Variants in EXPH5 observed in about 807,000 individuals in gnomAD.
The protein encoded by EXPH5 is exophilin-5.
A neutral mutation model predicts 41.1 loss-of-function variants in EXPH5; 42 were observed. The observed-to-expected ratio is 1.02, with a 90% CI of 0.80 to 1.32. The LOEUF is 1.32. EXPH5 is among the 40% of genes most tolerant of loss of function. The probability of loss-of-function intolerance (pLI) is 0.00; values close to 1 mark genes in which losing one functional copy is unlikely to be tolerated. For synonymous variants in EXPH5, 798 were observed against 833.5 expected, an observed-to-expected ratio of 0.96 and a Z score of 0.73; for missense variants, 2,298 against 2,314.5, an observed-to-expected ratio of 0.99 and a Z score of 0.15.
At position 108,509,372 on chromosome 11, in the gene EXPH5, G is replaced by A. The variant is rs1314384090; in HGVS notation, c.*165C>T. 1 of 498,226 alleles carries A rather than the reference G, an allele frequency of 2.0e-6. No individual in the cohort carries two copies. The allele number at this position is 498,226 out of a possible 1,614,324, so 30.9% of individuals were successfully genotyped here. ...AAGAATTCATTGTTCTAGCATTCAG[G>A]AAGTGTCTATATAGGGTGTGGAGGA... On this transcript the variant is annotated 3_prime_UTR_variant, in exon 6 of 6. Coordinates refer to ENST00000265843, the MANE Select transcript of EXPH5 (RefSeq NM_015065.3).
chr11:108,526,406 C>G (rs180907168), intron 4 of EXPH5, among the ~76,000 whole-genome samples: 307 of 152,344 alleles, frequency 2.0e-3, no homozygotes, highest in African/African-American at 6.9e-3. Flanking sequence ...ATTTTCAAAT[C>G]CCCAAAACTT....
intron 3 of EXPH5, among the ~76,000 whole-genome samples, chr11:108,529,844 C>CA (rs1190347075): frequency 0.05 from 4,715 of 93,640 alleles, 81 homozygotes; most frequent in Middle Eastern, 0.11. Context: ...AACTCTGTCT[C>CA]AAAAAAAAAA....
At chr11:108,528,420 A>G (rs1274236682) in intron 3 of EXPH5, among the ~76,000 whole-genome samples, 2 of 152,252 alleles carry the variant, frequency 1.3e-5, no homozygotes, top group Non-Finnish European at 2.9e-5. Flanking sequence ...AGAAAAAATT[A>G]CATATTAGTG....
rs1389053527 is a variant in EXPH5 at position 108,509,601 on chromosome 11, T to A, written c.5906A>T (p.Asp1969Val). Residue 1969 changes from aspartate (D) to valine (V), a missense_variant, in exon 6 of 6, where the codon GAC (aspartate) becomes GTC (valine). By Grantham distance (152) the Asp-to-Val change is radical. Coordinates refer to ENST00000265843, the MANE Select transcript of EXPH5 (RefSeq NM_015065.3). ...TTCATCATCTGTGGTTGTGTCTGTG[T>A]CACAATCTGAGTCCACTGGGTCATC... ...YEDDPVDSDCDTDTTTDDEYY... is the reference protein window; with the variant it reads ...YEDDPVDSDCVTDTTTDDEYY... The A allele has an allele frequency of 6.2e-7, 1 of 1,605,158 alleles. No homozygotes were observed. The highest frequency in any genetic ancestry group is 8.5e-7 in the Non-Finnish European group (1 of 1,177,012).
intron 3 of EXPH5, among the ~76,000 whole-genome samples, chr11:108,528,847 C>T (rs556834759): frequency 6.6e-6 from 1 of 151,764 alleles, no homozygotes; most frequent in Non-Finnish European, 1.5e-5. Context: ...GGATTACAGG[C>T]GCCTGCCACC....
intron 3 of EXPH5, among the ~76,000 whole-genome samples, chr11:108,536,603 G>C (rs528853982): frequency 6.6e-6 from 1 of 152,108 alleles, no homozygotes; most frequent in African/African-American, 2.4e-5. Context: ...AAGTCTCTGC[G>C]TTCCCATGGC....
intron 1 of EXPH5, among the ~76,000 whole-genome samples, chr11:108,562,026 T>C (rs2256372): frequency 0.66 from 101,093 of 152,056 alleles, 34,767 homozygotes; most frequent in Non-Finnish European, 0.74. Flanking sequence ...CCGTGCAGGG[T>C]TGAGGCCGTT....
At position 108,511,652 on chromosome 11, in the gene EXPH5, C is replaced by G; in HGVS notation, c.3855G>C (p.Glu1285Asp). The G allele has an allele frequency of 1.2e-6, 2 of 1,607,804 alleles. No individual in the cohort carries two copies. The highest frequency in any genetic ancestry group is 1.7e-6 in the Non-Finnish European group (2 of 1,178,246). The change falls in exon 6 of 6, where the codon GAG becomes GAC. Residue 1285 changes from glutamate (E) to aspartate (D), a missense_variant. Coordinates refer to ENST00000265843, the MANE Select transcript of EXPH5 (RefSeq NM_015065.3). The stretch of plus-strand genomic sequence containing the variant: ...CTAAAGCGTTAGGAAATGTTTCAGT[C>G]TCCACTTGAGGTGATTCTATAAGTA... ...TNLLIESPQV[E>D]TETFPNALEK... is the part of the protein sequence containing the mutation.
chr11:108,572,522 C>T (rs1472218071), intron 1 of EXPH5, among the ~76,000 whole-genome samples: 1 of 152,124 alleles, frequency 6.6e-6, no homozygotes, highest in African/African-American at 2.4e-5. Flanking sequence ...ATTTTGTTTG[C>T]TTTCTTGTCT....
At chr11:108,580,424 G>A (rs187244056) in intron 1 of EXPH5, among the ~76,000 whole-genome samples, 67 of 152,284 alleles carry the variant, frequency 4.4e-4, no homozygotes, top group Admixed American at 1.2e-3. Flanking sequence ...TGGTGAGGAT[G>A]TGGAGAAAAG....
chr11:108,535,050 A>G (rs1386007994), intron 3 of EXPH5, among the ~76,000 whole-genome samples: 1 of 152,236 alleles, frequency 6.6e-6, no homozygotes, highest in Admixed American at 6.5e-5. Flanking sequence ...AGCTTGATAA[A>G]TAAATGAAAG....
chr11:108,601,985 G>A, the EXPH5 span, among the ~76,000 whole-genome samples: 1 of 152,148 alleles, frequency 6.6e-6, no homozygotes, highest in Non-Finnish European at 1.5e-5. Flanking sequence ...CTGGAATGAA[G>A]CAATCCGCCC....
At chr11:108,585,662 T>C (rs2094110969) in intron 1 of EXPH5, among the ~76,000 whole-genome samples, 1 of 152,182 alleles carries the variant, frequency 6.6e-6, no homozygotes. Context: ...TTATATACTG[T>C]TGGTAGGAAT....
Position 108,513,447 on chromosome 11 carries a change from T to C in EXPH5, c.2060A>G (p.Lys687Arg), listed in dbSNP as rs979147200. The change falls in exon 6 of 6, where the codon AAA (lysine) becomes AGA (arginine). Residue 687 changes from lysine to arginine, a missense_variant. Coordinates refer to ENST00000265843, the MANE Select transcript of EXPH5 (RefSeq NM_015065.3). ...SNSVDSLPLA[K>R]SQPNILVTEV... ...TGTGACCAAGATATTGGGCTGGCTT[T>C]TGGCAAGAGGCAGAGAGTCAACTGA... The C allele has an allele frequency of 5.6e-6, 9 of 1,613,498 alleles. No homozygotes were observed. The highest frequency in any genetic ancestry group is 7.6e-6 in the Non-Finnish European group (9 of 1,179,744).
At position 108,511,448 on chromosome 11, in the gene EXPH5, AGCT is replaced by A; in HGVS notation, c.4056_4058del (p.Ala1353del). The A allele has an allele frequency of 6.3e-7, 1 of 1,584,954 alleles. No homozygotes were observed. The highest frequency in any genetic ancestry group is 8.5e-7 in the Non-Finnish European group (1 of 1,169,658). On this transcript the variant is annotated inframe_deletion, in exon 6 of 6. Transcript: ENST00000265843. ...TAGATTCCTCTTCAGGAAGAGAAAC[AGCT>A]GCCTCAACAGAAGCCATTTCCTGTA...
At chr11:108,534,943 C>T (rs963000446) in intron 3 of EXPH5, among the ~76,000 whole-genome samples, 1 of 152,200 alleles carries the variant, frequency 6.6e-6, no homozygotes, top group African/African-American at 2.4e-5. Context: ...ATGGTGTTCC[C>T]TACCAGAATA....
intron 1 of EXPH5, among the ~76,000 whole-genome samples, chr11:108,577,588 T>C (rs1040650537): frequency 2.0e-5 from 3 of 152,020 alleles, no homozygotes; most frequent in African/African-American, 7.2e-5. Context: ...CACGCCCGGC[T>C]AATTTTGTAT....
chr11:108,596,981 CCAGGCTCT>C (rs1240108323), upstream of EXPH5, among the ~76,000 whole-genome samples: 1 of 152,128 alleles, frequency 6.6e-6, no homozygotes, highest in Admixed American at 6.5e-5. Flanking sequence ...AACCTTTTGC[CCAGGCTCT>C]CAGCTAAAGA....
chr11:108,558,828 A>G (rs1168645171), intron 1 of EXPH5, among the ~76,000 whole-genome samples: 1 of 152,216 alleles, frequency 6.6e-6, no homozygotes, highest in African/African-American at 2.4e-5. Flanking sequence ...ACTTCATGTG[A>G]CAGCTATGAT....
Sources: allele counts gnomAD v4.1 joint callset (sites outside exome capture counted in the v4.1 genomes callset), GRCh38; gene constraint gnomAD v4.1.1; transcripts MANE v1.5; gene names NCBI Gene and HGNC (gene_info 2026-07-23, HGNC 2026-07-21).